Variants in CACNA2D1 observed in about 807,000 individuals in gnomAD.
The protein encoded by CACNA2D1 is calcium voltage-gated channel auxiliary subunit alpha2delta 1.
Under a neutral mutation model 171.5 loss-of-function variants are expected in CACNA2D1, and 53 were observed. The ratio of observed to expected loss-of-function variants is 0.31; its 90% confidence interval spans 0.25 to 0.39. CACNA2D1 has a LOEUF of 0.39. Ranked by LOEUF, CACNA2D1 falls within the 10% of genes least tolerant of loss-of-function variation. The pLI is 1.00. For synonymous variants in CACNA2D1, 442 were observed against 443.1 expected (o/e 1.00, Z 0.03); for missense variants, 903 against 1,299.8 (o/e 0.69, Z 4.69).
chr7:81,957,343 G>A (rs1047041630), intron 38 of CACNA2D1, among the ~76,000 whole-genome samples: 8 of 152,062 alleles, frequency 5.3e-5, no homozygotes, highest in African/African-American at 1.9e-4. Context: ...CATTGGTCCT[G>A]AGATTTTAAT....
At chr7:82,208,906 G>A (rs969743608) in intron 3 of CACNA2D1, among the ~76,000 whole-genome samples, 3 of 152,144 alleles carry the variant, frequency 2.0e-5, no homozygotes, top group South Asian at 2.1e-4. Flanking sequence ...ATTCTACAAT[G>A]TTTACATATT....
intron 2 of CACNA2D1, among the ~76,000 whole-genome samples, chr7:82,340,175 G>C (rs956112187): frequency 2.6e-5 from 4 of 152,130 alleles, no homozygotes; most frequent in Admixed American, 2.6e-4. Flanking sequence ...CTAACATAAT[G>C]AGTTAGCTGT....
At chr7:82,071,161 G>A (rs1808277098) in intron 7 of CACNA2D1, among the ~76,000 whole-genome samples, 1 of 152,076 alleles carries the variant, frequency 6.6e-6, no homozygotes, top group African/African-American at 2.4e-5. Context: ...CTCTAAACCT[G>A]CACCAGTAAC....
chr7:82,011,432 T>C (rs1180387742), intron 15 of CACNA2D1, among the ~76,000 whole-genome samples: 1 of 152,120 alleles, frequency 6.6e-6, no homozygotes, highest in Non-Finnish European at 1.5e-5. Context: ...AAAATGCAGA[T>C]TTTTTCCAAA....
intron 3 of CACNA2D1, among the ~76,000 whole-genome samples, chr7:82,174,620 T>C (rs1407554152): frequency 6.6e-6 from 1 of 152,034 alleles, no homozygotes; most frequent in Non-Finnish European, 1.5e-5. Flanking sequence ...TCAGAGTATA[T>C]ATGAAGACAG....
chr7:82,342,408 T>C (rs558239639), intron 2 of CACNA2D1, among the ~76,000 whole-genome samples: 1 of 152,302 alleles, frequency 6.6e-6, no homozygotes, highest in Non-Finnish European at 1.5e-5. Flanking sequence ...AGTGAATGGA[T>C]ACTGATTCTC....
chr7:82,374,053 G>C (rs879811391), intron 1 of CACNA2D1, among the ~76,000 whole-genome samples: 2 of 152,210 alleles, frequency 1.3e-5, no homozygotes, highest in Admixed American at 1.3e-4. Context: ...ACATGGGTCA[G>C]TCCGCACGAA....
At chr7:82,183,607 A>AT (rs1175463329) in intron 3 of CACNA2D1, among the ~76,000 whole-genome samples, 3 of 152,148 alleles carry the variant, frequency 2.0e-5, no homozygotes, top group Non-Finnish European at 2.9e-5. Flanking sequence ...ATTTCACAGA[A>AT]TTTTTTAGGA....
intron 12 of CACNA2D1, among the ~76,000 whole-genome samples, chr7:82,017,155 T>C (rs1800590038): frequency 6.6e-6 from 1 of 152,110 alleles, no homozygotes; most frequent in Non-Finnish European, 1.5e-5. Context: ...AATGATTTTA[T>C]GGATTATATA....
At chr7:82,301,491 G>A (rs1812999999) in intron 3 of CACNA2D1, among the ~76,000 whole-genome samples, 1 of 151,876 alleles carries the variant, frequency 6.6e-6, no homozygotes, top group Non-Finnish European at 1.5e-5. Flanking sequence ...TAAACTTGAT[G>A]AATCAAAATA....
Position 82,135,292 on chromosome 7 carries a change from C to T in CACNA2D1, c.396+1343G>A, listed in dbSNP as rs181272643. ...TAAATAAGTTTAAAAATATCAAGTG[C>T]TAATTATAATGGTGAAACTAAACAT... On this transcript the variant is annotated intron_variant, in intron 5 of 38. Transcript: ENST00000356860. Among the ~76,000 whole-genome samples, 1,011 of 151,994 alleles carry T rather than the reference C, an allele frequency of 6.7e-3. 11 individuals are homozygous for T. Among genetic ancestry groups the T allele is most frequent in the African/African-American group, 0.023 (968 of 41,478 alleles).
intron 8 of CACNA2D1, among the ~76,000 whole-genome samples, chr7:82,065,097 G>A (rs755997593): frequency 2.8e-5 from 4 of 141,154 alleles, no homozygotes; most frequent in Non-Finnish European, 4.5e-5. Flanking sequence ...CCGACAGGAA[G>A]GGCTGCACCT....
chr7:82,257,251 C>T (rs567089798), intron 3 of CACNA2D1, among the ~76,000 whole-genome samples: 3 of 152,322 alleles, frequency 2.0e-5, no homozygotes, highest in Admixed American at 6.5e-5. Context: ...CAAACCAGCT[C>T]TAGTCAGCTC....
Position 81,971,843 on chromosome 7 carries a change from CTA to C in CACNA2D1, c.2073_2074del (p.Asn691LysfsTer5). 1 of 1,607,036 alleles carries C rather than the reference CTA, an allele frequency of 6.2e-7. No homozygotes were observed. The highest frequency in any genetic ancestry group is 8.5e-7 in the Non-Finnish European group (1 of 1,174,370). ...TGTAAAGCCTGCATCAAGCAAGACT[CTA>C]TTAATCAAATCCGCGTTACCTAACA... On this transcript the variant is annotated frameshift_variant, in exon 26 of 39. Transcript: ENST00000356860. LOFTEE classifies it high-confidence loss of function.
chr7:82,314,392 T>C (rs569407424), intron 3 of CACNA2D1, among the ~76,000 whole-genome samples: 41 of 152,332 alleles, frequency 2.7e-4, no homozygotes, highest in African/African-American at 8.7e-4. Flanking sequence ...AGCCAGAGAA[T>C]ATTGTTTTCA....
intron 12 of CACNA2D1, chr7:82,029,945 A>G (rs1028481626): frequency 1.3e-5 from 2 of 151,908 alleles, no homozygotes; most frequent in Admixed American, 6.6e-5. Flanking sequence ...TAAAGGTTAT[A>G]TGTTTTCAGG....
intron 34 of CACNA2D1, among the ~76,000 whole-genome samples, chr7:81,962,804 G>A (rs1394451003): frequency 6.6e-6 from 1 of 151,962 alleles, no homozygotes; most frequent in Non-Finnish European, 1.5e-5. Flanking sequence ...GTTTCAGCGC[G>A]TAGGTTTTCA....
rs145736906 is a variant in CACNA2D1 at position 81,951,804 on chromosome 7, C to T, written c.3160-1296G>A. ...AATTGTGCTGCTATAAACATGCATGCGCAAGTGTCTTTTTCATAAAATGAC... is the reference window on the plus strand; with the variant it reads ...AATTGTGCTGCTATAAACATGCATGTGCAAGTGTCTTTTTCATAAAATGAC... On this transcript the variant is annotated intron_variant, in intron 38 of 38. Coordinates refer to ENST00000356860, the MANE Select transcript of CACNA2D1 (RefSeq NM_000722.4). Among the ~76,000 whole-genome samples, 432 of 151,948 alleles carry T rather than the reference C, an allele frequency of 2.8e-3. 1 individual carries two copies. The highest frequency in any genetic ancestry group is 0.01 in the Middle Eastern group (3 of 292).
At chr7:82,287,094 C>G (rs182941713) in intron 3 of CACNA2D1, among the ~76,000 whole-genome samples, 109 of 152,246 alleles carry the variant, frequency 7.2e-4, no homozygotes, top group African/African-American at 2.5e-3. Context: ...TCTTTTTAAT[C>G]ATATATGTCT....
Sources: gnomAD v4.1 joint callset for allele counts (sites outside exome capture counted in the v4.1 genomes callset) on GRCh38, gnomAD v4.1.1 for gene constraint, MANE v1.5 for transcripts, NCBI Gene and HGNC (gene_info 2026-07-23, HGNC 2026-07-21) for gene names.